The following RBL1 variants were observed in gnomAD, a reference collection of about 807,000 sequenced individuals.
The protein encoded by RBL1 is retinoblastoma-like protein 1.
RBL1 carries 82 observed loss-of-function variants against 123.0 expected under a neutral mutation model. That is an observed-to-expected ratio of 0.67 (90% CI 0.56 to 0.80). The LOEUF (loss-of-function observed/expected upper bound fraction) is 0.80, where lower values mean the gene tolerates loss of function less well. RBL1 is among the 30% of genes least tolerant of loss of function. The pLI is 0.00. For synonymous variants in RBL1, 405 were observed against 441.3 expected (o/e 0.92, Z 1.03); for missense variants, 1,171 against 1,299.6 (o/e 0.90, Z 1.52).
At chr20:37,061,686 C>T (rs2065097599) in intron 8 of RBL1, among the ~76,000 whole-genome samples, 1 of 152,184 alleles carries the variant, frequency 6.6e-6, no homozygotes, top group African/African-American at 2.4e-5. Context: ...TGGCCATTAA[C>T]AATCAAGTCC....
chr20:37,015,818 C>G (rs557604351), intron 19 of RBL1, among the ~76,000 whole-genome samples: 2 of 149,908 alleles, frequency 1.3e-5, no homozygotes, highest in East Asian at 2.0e-4. Context: ...CTCTGCCGCC[C>G]AAGTTCAAGT....
At chr20:37,061,961 T>G in intron 8 of RBL1, 123 bp downstream of exon 8, 8 of 1,141,556 alleles carry the variant, frequency 7.0e-6, no homozygotes, top group Non-Finnish European at 8.5e-6. Context: ...AAGGCTTTCA[T>G]GAGAAATATG....
chr20:37,079,850 A>C (rs1235138663), intron 2 of RBL1, among the ~76,000 whole-genome samples: 1 of 152,180 alleles, frequency 6.6e-6, no homozygotes, highest in Non-Finnish European at 1.5e-5. Flanking sequence ...AAAATTGTCC[A>C]GTTTCAGTTT....
chr20:37,066,624 C>G (rs2065180148), intron 6 of RBL1, 100 bp downstream of exon 6: 1 of 1,108,330 alleles, frequency 9.0e-7, no homozygotes, highest in African/African-American at 1.6e-5. Flanking sequence ...AATCCTGACC[C>G]TAAGTTCTAT....
intron 1 of RBL1, among the ~76,000 whole-genome samples, chr20:37,093,651 T>C (rs1242669807): frequency 1.3e-5 from 2 of 151,718 alleles, no homozygotes; most frequent in Admixed American, 6.6e-5. Context: ...TTCCATTTTT[T>C]TTTTTTTTTT....
intron 2 of RBL1, among the ~76,000 whole-genome samples, chr20:37,084,447 A>C (rs1356326732): frequency 2.0e-5 from 3 of 152,166 alleles, no homozygotes; most frequent in African/African-American, 7.2e-5. Flanking sequence ...AATATAAAGA[A>C]AAATAACTGT....
At chr20:37,024,316 T>C (rs985382603) in intron 16 of RBL1, among the ~76,000 whole-genome samples, 1 of 152,120 alleles carries the variant, frequency 6.6e-6, no homozygotes, top group Non-Finnish European at 1.5e-5. Flanking sequence ...GCTCAGTAAA[T>C]AGTAGGGTAA....
chr20:37,088,603 A>G (rs189134881), intron 2 of RBL1, among the ~76,000 whole-genome samples: 78 of 152,084 alleles, frequency 5.1e-4, no homozygotes, highest in Non-Finnish European at 9.3e-4. Context: ...CTATAATCCC[A>G]TAGCACTTTG....
intron 7 of RBL1, among the ~76,000 whole-genome samples, chr20:37,063,462 A>AAC (rs1440056920): frequency 6.6e-6 from 1 of 152,124 alleles, no homozygotes. Context: ...CAGCCTGGGC[A>AAC]ACACAGTGAG....
chr20:36,998,725 T>C lies in RBL1; in HGVS notation c.*34A>G, dbSNP rs1371303667. The C allele has an allele frequency of 1.9e-6, 3 of 1,566,332 alleles. No homozygotes were observed. The highest frequency in any genetic ancestry group is 2.6e-6 in the Non-Finnish European group (3 of 1,146,800). On this transcript the variant is annotated 3_prime_UTR_variant, in exon 22 of 22. Coordinates refer to ENST00000373664, the MANE Select transcript of RBL1 (RefSeq NM_002895.5). ...AGCTCCAACTTTCTGCAGAACAATC[T>C]GAAAGTGCTTTTATCATAGAAACAA...
At chr20:37,070,061 A>G (rs180990582) in intron 2 of RBL1, among the ~76,000 whole-genome samples, 33 of 151,954 alleles carry the variant, frequency 2.2e-4, no homozygotes, top group South Asian at 1.0e-3. Context: ...TGAGAAATCG[A>G]ATGGTTGCCG....
chr20:37,026,399 G>GA (rs1300006946), intron 16 of RBL1, among the ~76,000 whole-genome samples: 2 of 151,990 alleles, frequency 1.3e-5, no homozygotes, highest in Non-Finnish European at 2.9e-5. Context: ...TTAGCATAGA[G>GA]AAAAAAGGAC....
rs754915464 is a variant in RBL1 at position 37,061,152 on chromosome 20, C to T, written c.1201G>A (p.Val401Met). 4 of 1,613,446 alleles carry T rather than the reference C, an allele frequency of 2.5e-6. No homozygotes were observed. Among genetic ancestry groups the T allele is most frequent in the Non-Finnish European group, 3.4e-6 (4 of 1,179,676 alleles). ...TQSVSRLQSI[V>M]AGLKNAPSDQ... ...CTTGGTGCATTTTTCAGACCAGCCA[C>T]AATACTCTGTAACCGGCTCACACTT... Residue 401 changes from valine (V) to methionine (M), a missense_variant, in exon 9 of 22, where the codon GTG becomes ATG. Physicochemically the swap from Val to Met is conservative, Grantham distance 21 (BLOSUM62 1). Coordinates refer to ENST00000373664, the MANE Select transcript of RBL1 (RefSeq NM_002895.5).
chr20:37,057,504 C>G (rs1399934035), intron 9 of RBL1, among the ~76,000 whole-genome samples: 1 of 152,146 alleles, frequency 6.6e-6, no homozygotes, highest in Non-Finnish European at 1.5e-5. Context: ...GTTGCATATA[C>G]TCTTTGGAGA....
chr20:37,046,893 G>A (rs535356645), intron 12 of RBL1, among the ~76,000 whole-genome samples, 160 bp downstream of exon 12: 20 of 152,132 alleles, frequency 1.3e-4, no homozygotes, highest in East Asian at 3.9e-4. Context: ...GATTACAGGC[G>A]TGAGCCACCA....
At chr20:37,032,943 T>TTTGACAA in intron 15 of RBL1, 67 bp from the exon 16 acceptor site, 1 of 1,578,710 alleles carries the variant, frequency 6.3e-7, no homozygotes, top group Non-Finnish European at 8.6e-7. Flanking sequence ...CTATATATAT[T>TTTGACAA]TTGACAATTA....
chr20:37,008,243 ATTC>A (rs1272864171), intron 19 of RBL1, among the ~76,000 whole-genome samples: 1 of 152,240 alleles, frequency 6.6e-6, no homozygotes, highest in Non-Finnish European at 1.5e-5. Flanking sequence ...GCCTGCAGAT[ATTC>A]TTCTTGTGTC....
intron 2 of RBL1, among the ~76,000 whole-genome samples, chr20:37,082,215 C>G (rs983891865): frequency 5.3e-5 from 8 of 152,260 alleles, no homozygotes; most frequent in Non-Finnish European, 8.8e-5. Context: ...AGCCATCCCC[C>G]CTGCTGGTGA....
In RBL1 at chr20:37,066,923, A is replaced by G. The variant is rs774339156; in HGVS notation, c.686-39T>C. On this transcript the variant is annotated intron_variant, in intron 5 of 21. Coordinates refer to ENST00000373664, the MANE Select transcript of RBL1 (RefSeq NM_002895.5). ...GTAGGAAGGGCAGAGGGAAAAAAAA[A>G]TAGTCAACTTTTAAAAATCTTTTTC... 3.1e-6 allele frequency: 5 copies of G among 1,597,710 alleles called. No homozygotes were observed. In the Admixed American group the frequency reaches 8.8e-5, roughly 28 times the overall value.
Sources: gnomAD v4.1 joint callset for allele counts (sites outside exome capture counted in the v4.1 genomes callset) on GRCh38, gnomAD v4.1.1 for gene constraint, MANE v1.5 for transcripts, NCBI Gene and HGNC (gene_info 2026-07-23, HGNC 2026-07-21) for gene names.